ZNF214: variants seen among roughly 807,000 people sequenced by gnomAD.
ZNF214 encodes the protein BWSCR2-associated zinc finger protein 1.
In ZNF214, 43 loss-of-function variants were observed where a neutral mutation model predicts 53.9. The observed-to-expected ratio is 0.80, with a 90% CI of 0.63 to 1.03. ZNF214 has a LOEUF of 1.03. ZNF214 is among the 50% of genes least tolerant of loss of function. The pLI is 0.00. For missense variants in ZNF214, 724 were observed against 719.1 expected (o/e 1.01, Z -0.08); for synonymous variants, 217 against 229.5 (o/e 0.95, Z 0.49).
intron 1 of ZNF214, among the ~76,000 whole-genome samples, chr11:7,017,529 G>C (rs953288681): frequency 1.3e-4 from 20 of 152,086 alleles, no homozygotes; most frequent in African/African-American, 4.8e-4. Flanking sequence ...CTGAGCTCAG[G>C]AGTTCAAGAC....
intron 1 of ZNF214, among the ~76,000 whole-genome samples, chr11:7,008,826 C>G (rs1456395093): frequency 2.6e-5 from 4 of 152,048 alleles, no homozygotes; most frequent in Non-Finnish European, 4.4e-5. Flanking sequence ...GAATGCAATC[C>G]CATTTACAAT....
chr11:7,000,759 A>T lies in ZNF214; in HGVS notation c.924T>A (p.Cys308Ter), dbSNP rs769599992. ...IGEVPYSCNA[C>*]GKSFSQISSL... ...TAGAGATCTGGCTGAAGCTCTTACC[A>T]CATGCATTACAGCTATAAGGTACCT... Residue 308 changes from cysteine to a stop codon, truncating the protein, a stop_gained, in exon 3 of 3, where the codon TGT becomes TGA. Transcript: ENST00000278314. LOFTEE classifies it high-confidence loss of function. 1 of 1,610,752 alleles carries T rather than the reference A, an allele frequency of 6.2e-7. No individual in the cohort carries two copies. The highest frequency in any genetic ancestry group is 8.5e-7 in the Non-Finnish European group (1 of 1,179,282).
At chr11:7,002,372 T>A (rs2133385190) in intron 2 of ZNF214, among the ~76,000 whole-genome samples, 1 of 152,114 alleles carries the variant, frequency 6.6e-6, no homozygotes, top group South Asian at 2.1e-4. Flanking sequence ...CCACTAAGTC[T>A]GGCATAGTAT....
chr11:7,018,856 A>G (rs1748217647), intron 1 of ZNF214, among the ~76,000 whole-genome samples: 1 of 152,146 alleles, frequency 6.6e-6, no homozygotes, highest in Non-Finnish European at 1.5e-5. Flanking sequence ...TGAATTATAC[A>G]CTAGACTTGA....
chr11:7,001,111 A>C lies in ZNF214; in HGVS notation c.572T>G (p.Ile191Ser), dbSNP rs1278441515. 1.2e-6 allele frequency: 2 copies of C among 1,613,304 alleles called. No individual in the cohort carries two copies. Among genetic ancestry groups the C allele is most frequent in the Non-Finnish European group, 1.7e-6 (2 of 1,179,570 alleles). ...EQKLIVQHSYIPVEEALPQYV... is the reference protein window; with the variant it reads ...EQKLIVQHSYSPVEEALPQYV... Reference sequence around the variant, plus strand: ...CTGTGGAAGGGCTTCCTCCACTGGGATATAAGAATGCTGAACTATGAGCTT... The same window carrying C: ...CTGTGGAAGGGCTTCCTCCACTGGGCTATAAGAATGCTGAACTATGAGCTT... The change falls in exon 3 of 3, where the codon ATC (isoleucine) becomes AGC (serine). Residue 191 changes from isoleucine to serine, a missense_variant. Transcript: ENST00000278314.
intron 1 of ZNF214, among the ~76,000 whole-genome samples, chr11:7,017,708 C>T (rs1292803363): frequency 6.7e-6 from 1 of 148,480 alleles, no homozygotes; most frequent in Non-Finnish European, 1.5e-5. Flanking sequence ...CACTGCACTC[C>T]AGTCTGGGCG....
Position 6,997,620 on chromosome 11 carries a change from A to G in ZNF214, c.*2242T>C, listed in dbSNP as rs1212181165. ...AAAAAAAGGCCTTTCTTAAATTGTC[A>G]TTCAAAAAGAAAATGTTATTATGAG... On this transcript the variant is annotated 3_prime_UTR_variant, in exon 3 of 3. Transcript: ENST00000278314. Among the ~76,000 whole-genome samples the G allele has an allele frequency of 1.3e-5, 2 of 149,584 alleles. No individual in the cohort carries two copies. Among genetic ancestry groups the G allele is most frequent in the East Asian group, 1.9e-4 (1 of 5,144 alleles).
intron 1 of ZNF214, among the ~76,000 whole-genome samples, chr11:7,018,965 G>A (rs1589850593): frequency 6.6e-6 from 1 of 152,134 alleles, no homozygotes; most frequent in East Asian, 1.9e-4. Flanking sequence ...AGCGAGGAAC[G>A]TTTTCTGTCC....
At chr11:7,012,578 G>A (rs1851631669) in intron 1 of ZNF214, among the ~76,000 whole-genome samples, 1 of 151,896 alleles carries the variant, frequency 6.6e-6, no homozygotes, top group Non-Finnish European at 1.5e-5. Flanking sequence ...GGGAAAAGGA[G>A]CACAAATAGA....
intron 1 of ZNF214, among the ~76,000 whole-genome samples, chr11:7,018,000 T>C (rs1237158928): frequency 6.6e-6 from 1 of 152,208 alleles, no homozygotes; most frequent in Non-Finnish European, 1.5e-5. Context: ...TTTTTTAATT[T>C]AATGTTTTAT....
intron 2 of ZNF214, 83 bp from the exon 3 acceptor site, chr11:7,001,638 A>AT: frequency 6.9e-7 from 1 of 1,446,016 alleles, no homozygotes; most frequent in East Asian, 2.3e-5. Flanking sequence ...TGACCTTTAA[A>AT]TGATAGGAAT....
chr11:7,014,145 A>C (rs1481010163), intron 1 of ZNF214, among the ~76,000 whole-genome samples: 1 of 152,218 alleles, frequency 6.6e-6, no homozygotes, highest in Non-Finnish European at 1.5e-5. Flanking sequence ...AATTAGACAA[A>C]ATTATCTGTA....
In ZNF214 at chr11:6,998,850, C is replaced by G. The variant is rs1371150746; in HGVS notation, c.*1012G>C. On this transcript the variant is annotated 3_prime_UTR_variant, in exon 3 of 3. Transcript: ENST00000278314. ...CCTAAACATGTCCACTTTTTTTTCT[C>G]TTGGTATTACTTCAGCATATTTGTG... Among the ~76,000 whole-genome samples, 1 of 151,716 alleles carries G rather than the reference C, an allele frequency of 6.6e-6. No homozygotes were observed. Among genetic ancestry groups the G allele is most frequent in the Non-Finnish European group, 1.5e-5 (1 of 67,838 alleles).
At chr11:7,009,057 C>G (rs1328597335) in intron 1 of ZNF214, among the ~76,000 whole-genome samples, 1 of 151,578 alleles carries the variant, frequency 6.6e-6, no homozygotes, top group Admixed American at 6.6e-5. Context: ...TGACATTCAT[C>G]ACTGAATTAG....
rs55641448 is a variant in ZNF214 at position 7,018,495 on chromosome 11, C to CTTTTTTTTTT, written c.-21+1568_-21+1577dup. On this transcript the variant is annotated intron_variant, in intron 1 of 2. Transcript: ENST00000278314. ...TAGTTTATTACCCCCAATGTTAAGA[C>CTTTTTTTTTT]TTTTTTTTTTTTTTTTTTTTTTTTG... Among the ~76,000 whole-genome samples, 138 of 61,892 alleles carry CTTTTTTTTTT rather than the reference C, an allele frequency of 2.2e-3. 8 individuals carry two copies. Among genetic ancestry groups the CTTTTTTTTTT allele is most frequent in the Non-Finnish European group, 3.1e-3 (105 of 34,192 alleles). The allele number at this position is 61,892 out of a possible 152,430, so 40.6% of individuals were successfully genotyped here.
At chr11:7,019,407 C>T (rs1851856772) in intron 1 of ZNF214, among the ~76,000 whole-genome samples, 1 of 152,126 alleles carries the variant, frequency 6.6e-6, no homozygotes, top group South Asian at 2.1e-4. Flanking sequence ...TTACTACTAA[C>T]AATAATAGGA....
Position 7,001,362 on chromosome 11 carries a change from T to G in ZNF214, c.321A>C (p.Leu107Phe), listed in dbSNP as rs1235420056. Residue 107 changes from leucine to phenylalanine, a missense_variant, in exon 3 of 3, where the codon TTA (leucine) becomes TTC (phenylalanine). By Grantham distance (22) the Leu-to-Phe change is conservative (BLOSUM62 0). Transcript: ENST00000278314. The part of the protein sequence containing the change: ...QQDRSQCQEW[L>F]ILSTQVPGYG... The stretch of plus-strand genomic sequence containing the variant: ...ACCCTGGTACTTGTGTGGAGAGTAT[T>G]AACCATTCCTGACACTGGGAACGAT... 1 of 1,613,228 alleles carries G rather than the reference T, an allele frequency of 6.2e-7. No individual in the cohort carries two copies. Among genetic ancestry groups the G allele is most frequent in the Admixed American group, 1.7e-5 (1 of 59,944 alleles).
chr11:7,005,066 A>G (rs751393765), intron 1 of ZNF214, among the ~76,000 whole-genome samples: 3 of 152,046 alleles, frequency 2.0e-5, no homozygotes, highest in Non-Finnish European at 4.4e-5. Context: ...TGGCTACAAC[A>G]TATAGCAAAA....
At chr11:7,006,316 C>G (rs1361893074) in intron 1 of ZNF214, among the ~76,000 whole-genome samples, 1 of 151,904 alleles carries the variant, frequency 6.6e-6, no homozygotes, top group Non-Finnish European at 1.5e-5. Context: ...TATAAGTAAC[C>G]CCCCAACAAT....
Sources: gnomAD v4.1 joint callset for allele counts (sites outside exome capture counted in the v4.1 genomes callset) on GRCh38, gnomAD v4.1.1 for gene constraint, MANE v1.5 for transcripts, NCBI Gene and HGNC (gene_info 2026-07-23, HGNC 2026-07-21) for gene names.